GLOD4: variants seen among roughly 807,000 people sequenced by gnomAD.
GLOD4 encodes glyoxalase domain containing 4, also known as glyoxalase domain-containing protein 4.
A neutral mutation model predicts 39.1 loss-of-function variants in GLOD4; 44 were observed. That is an observed-to-expected ratio of 1.13 (90% CI 0.88 to 1.45). The LOEUF (loss-of-function observed/expected upper bound fraction) is 1.45. Ranked by LOEUF, GLOD4 falls within the 40% of genes most tolerant of loss-of-function variation. The pLI, the probability that GLOD4 is intolerant of heterozygous loss-of-function variation, is 0.00. For synonymous variants in GLOD4, 145 were observed against 135.0 expected (o/e 1.07, Z -0.52); for missense variants, 405 against 366.4 (o/e 1.11, Z -0.86).
intron 5 of GLOD4, 60 bp from the exon 6 acceptor site, chr17:770,567 G>A: frequency 1.2e-6 from 1 of 812,618 alleles, no homozygotes; most frequent in African/African-American, 1.7e-5. Context: ...CACGTATGTG[G>A]TAGAAAAATT....
At chr17:770,193 A>C (rs778303878) in intron 6 of GLOD4, 36 bp from the exon 7 acceptor site, 1 of 1,144,038 alleles carries the variant, frequency 8.7e-7, no homozygotes, top group African/African-American at 1.5e-5. Context: ...GCCAGGGGTC[A>C]CACACTACTC....
rs1311774818 is a variant in GLOD4, at chr17:775,923, C to CA, written c.262-5dup. The CA allele has an allele frequency of 6.2e-7, 1 of 1,611,460 alleles. No homozygotes were observed. Among genetic ancestry groups the CA allele is most frequent in the Non-Finnish European group, 8.5e-7 (1 of 1,177,626 alleles). On this transcript the variant is annotated splice_region_variant and splice_polypyrimidine_tract_variant and intron_variant, in intron 3 of 8. Transcript: ENST00000301329. ...GGCTAGAAGCGAGCGTGATTCCCTA[C>CA]AACAAACAACAGTACATCCAAGTAC...
intron 8 of GLOD4, among the ~76,000 whole-genome samples, chr17:766,015 G>A (rs1180700550): frequency 6.6e-6 from 1 of 152,056 alleles, no homozygotes; most frequent in African/African-American, 2.4e-5. Flanking sequence ...TCAGGGAGCA[G>A]GAGTTCATCA....
chr17:762,486 CCGGCCGG>C (rs1905647420), intron 8 of GLOD4, among the ~76,000 whole-genome samples: 1 of 149,430 alleles, frequency 6.7e-6, no homozygotes, highest in East Asian at 2.0e-4. Context: ...CATCCAGGCC[CCGGCCGG>C]CACCTACTCA....
intron 4 of GLOD4, among the ~76,000 whole-genome samples, chr17:775,212 A>C (rs1908689580): frequency 6.6e-6 from 1 of 151,638 alleles, no homozygotes; most frequent in Non-Finnish European, 1.5e-5. Flanking sequence ...CAGAGGTTGC[A>C]GTGAGCAGAG....
At chr17:779,279 A>C (rs930015438) in intron 1 of GLOD4, among the ~76,000 whole-genome samples, 28 of 138,318 alleles carry the variant, frequency 2.0e-4, no homozygotes, top group Non-Finnish European at 3.6e-4. Flanking sequence ...GTGCCCCTGC[A>C]CTACAGCCTG....
At chr17:761,605 A>T (rs1905447274) in intron 8 of GLOD4, among the ~76,000 whole-genome samples, 1 of 152,160 alleles carries the variant, frequency 6.6e-6, no homozygotes, top group South Asian at 2.1e-4. Flanking sequence ...TCTGGGTTCA[A>T]GTGATTCTCC....
intron 8 of GLOD4, among the ~76,000 whole-genome samples, chr17:767,116 T>C (rs1160482927): frequency 6.6e-6 from 1 of 152,254 alleles, no homozygotes; most frequent in Non-Finnish European, 1.5e-5. Flanking sequence ...TCTTATGAGA[T>C]AGATCCTCTT....
In GLOD4 at chr17:760,024, C is replaced by G. The variant is rs1426244777; in HGVS notation, c.*149G>C. The G allele has an allele frequency of 1.6e-6, 1 of 623,470 alleles. No homozygotes were observed. The highest frequency in any genetic ancestry group is 2.7e-5 in the East Asian group (1 of 37,338). 38.6% of individuals were successfully genotyped at this position (623,470 alleles called of 1,614,324 possible). On this transcript the variant is annotated 3_prime_UTR_variant, in exon 9 of 9. Coordinates refer to ENST00000301329, the MANE Select transcript of GLOD4 (RefSeq NM_016080.4). ...CATTTCTAAATTACATCAGAGCTTT[C>G]AAAGATTGAAATACACAAATCTGCA...
chr17:773,438 A>G (rs1908338924), intron 4 of GLOD4, among the ~76,000 whole-genome samples: 1 of 152,232 alleles, frequency 6.6e-6, no homozygotes, highest in Non-Finnish European at 1.5e-5. Flanking sequence ...TTAATTATAT[A>G]TACGTATTTT....
intron 4 of GLOD4, among the ~76,000 whole-genome samples, chr17:772,684 A>G (rs1908177151): frequency 6.6e-6 from 1 of 152,210 alleles, no homozygotes; most frequent in African/African-American, 2.4e-5. Context: ...AGGAATTAGA[A>G]TGGTCAAATA....
rs1488077389 is a variant in GLOD4, at chr17:778,028, G to A, written c.140+667C>T. Among the ~76,000 whole-genome samples the A allele has an allele frequency of 2.6e-5, 4 of 152,172 alleles. No homozygotes were observed. In the East Asian group the frequency reaches 7.7e-4, roughly 29 times the overall value. ...GCTTCTGGGATGCTGAACGTAGGGA[G>A]GTGCTGGATTGGAGCCTGCCCAGAA... On this transcript the variant is annotated intron_variant, in intron 2 of 8. Transcript: ENST00000301329.
upstream of GLOD4, among the ~76,000 whole-genome samples, chr17:785,185 G>C (rs1014133819): frequency 6.6e-6 from 1 of 151,820 alleles, no homozygotes; most frequent in African/African-American, 2.4e-5. Flanking sequence ...CTTACTAAAA[G>C]GTTATCATTA....
Position 759,619 on chromosome 17 carries a change from G to A in GLOD4, c.*554C>T, listed in dbSNP as rs1370093706. ...ACACTCATTCCTTTCTGTTTCCTCT[G>A]GACACTCAAAATGTGAAAGCAAGTA... On this transcript the variant is annotated 3_prime_UTR_variant, in exon 9 of 9. Coordinates refer to ENST00000301329, the MANE Select transcript of GLOD4 (RefSeq NM_016080.4). 6.6e-6 allele frequency: 1 copy of A among 152,422 alleles called. No individual in the cohort carries two copies. Among genetic ancestry groups the A allele is most frequent in the Non-Finnish European group, 1.5e-5 (1 of 68,268 alleles). 9.4% of individuals were successfully genotyped at this position (152,422 alleles called of 1,614,324 possible). A position where few individuals can be genotyped will look rare whatever the true frequency, so the allele number is the denominator to read the frequency against.
chr17:766,917 ATTAAT>A (rs1172632422), intron 8 of GLOD4, among the ~76,000 whole-genome samples: 2 of 152,344 alleles, frequency 1.3e-5, no homozygotes, highest in East Asian at 1.9e-4. Flanking sequence ...TAATTCAGTA[ATTAAT>A]TTAATTAAAT....
rs1211953684 is a variant in GLOD4, at chr17:760,231, G to C, written c.839C>G (p.Ala280Gly). Residue 280 changes from alanine (A) to glycine (G), a missense_variant, in exon 9 of 9, where the codon GCA becomes GGA. Coordinates refer to ENST00000301329, the MANE Select transcript of GLOD4 (RefSeq NM_016080.4). ...EGSKLLDDAMAADKSDEWFAK... is the reference protein window; with the variant it reads ...EGSKLLDDAMGADKSDEWFAK... The stretch of plus-strand genomic sequence containing the variant: ...AAACCACTCGTCACTTTTATCTGCT[G>C]CCATTGCCTGTAAAATAGAAATAGA... 1.3e-6 allele frequency: 2 copies of C among 1,570,506 alleles called. No individual in the cohort carries two copies. The highest frequency in any genetic ancestry group is 3.3e-5 in the Admixed American group (2 of 59,950).
Position 772,554 on chromosome 17 carries a change from C to T in GLOD4, c.407-1093G>A, listed in dbSNP as rs150079087. Among the ~76,000 whole-genome samples the T allele has an allele frequency of 5.9e-5, 9 of 152,138 alleles. No individual in the cohort carries two copies. The East Asian group carries it at 1.7e-3, about 29-fold the overall frequency. ...AGAGTATACAACACAGTAGGGGGAA[C>T]AACTGCAATATATTGGACAAAAAGT... On this transcript the variant is annotated intron_variant, in intron 4 of 8. Coordinates refer to ENST00000301329, the MANE Select transcript of GLOD4 (RefSeq NM_016080.4).
At chr17:769,398 G>T (rs1907490367) in intron 8 of GLOD4, among the ~76,000 whole-genome samples, 1 of 150,878 alleles carries the variant, frequency 6.6e-6, no homozygotes, top group South Asian at 2.1e-4. Context: ...AGAGCTGAGG[G>T]GGTCGGATGG....
Position 771,463 on chromosome 17 carries a change from T to C in GLOD4, c.407-2A>G. ...CTAGAGTTACTTTTAATACAGGATC[T>C]GTTGGGTAATAAAGCAGGAATAGAC... is the stretch of plus-strand genomic sequence containing the variant. On this transcript the variant is annotated splice_acceptor_variant, in intron 4 of 8. Transcript: ENST00000301329. LOFTEE classifies it high-confidence loss of function. 6.5e-7 allele frequency: 1 copy of C among 1,547,984 alleles called. No individual in the cohort carries two copies. Among genetic ancestry groups the C allele is most frequent in the Non-Finnish European group, 8.8e-7 (1 of 1,136,318 alleles).
Sources: allele counts gnomAD v4.1 joint callset (sites outside exome capture counted in the v4.1 genomes callset), GRCh38; gene constraint gnomAD v4.1.1; transcripts MANE v1.5; gene names NCBI Gene and HGNC (gene_info 2026-07-23, HGNC 2026-07-21).